SUCLG2: variants seen among roughly 807,000 people sequenced by gnomAD.
The protein encoded by SUCLG2 is succinate--CoA ligase [GDP-forming] subunit beta, mitochondrial.
In SUCLG2, 42 loss-of-function variants were observed where a neutral mutation model predicts 47.9. That is an observed-to-expected ratio of 0.88 (90% CI 0.69 to 1.14). The LOEUF is 1.14. Among genes scored for constraint, SUCLG2 ranks in the 50% most tolerant of loss-of-function variants. SUCLG2 has a pLI of 0.00. For synonymous variants in SUCLG2, 195 were observed against 197.3 expected (o/e 0.99, Z 0.10); for missense variants, 571 against 525.9 (o/e 1.09, Z -0.84).
At chr3:67,396,102 A>G (rs1186314444) in intron 10 of SUCLG2, among the ~76,000 whole-genome samples, 2 of 152,166 alleles carry the variant, frequency 1.3e-5, no homozygotes, top group African/African-American at 4.8e-5. Context: ...TAACATCACA[A>G]TTAAAAGAAC....
intron 1 of SUCLG2, among the ~76,000 whole-genome samples, chr3:67,629,867 C>A (rs1232640437): frequency 6.6e-6 from 1 of 152,112 alleles, no homozygotes; most frequent in Non-Finnish European, 1.5e-5. Flanking sequence ...TGCCAGGAAC[C>A]AGGAACCATG....
At chr3:67,616,628 T>C (rs747396630) in intron 1 of SUCLG2, among the ~76,000 whole-genome samples, 5 of 152,190 alleles carry the variant, frequency 3.3e-5, no homozygotes, top group South Asian at 4.1e-4. Context: ...AAAAGCAACA[T>C]TGAGAAAAAG....
chr3:67,609,621 A>G (rs1559594710), intron 1 of SUCLG2, 25 bp from the exon 2 acceptor site: 3 of 1,607,518 alleles, frequency 1.9e-6, no homozygotes, highest in East Asian at 4.5e-5. Flanking sequence ...GGAGAGAGGT[A>G]AGAACATTCA....
At chr3:67,440,515 A>T (rs55652711) in intron 9 of SUCLG2, among the ~76,000 whole-genome samples, 8,752 of 152,130 alleles carry the variant, frequency 0.058, 374 homozygotes, top group East Asian at 0.22. Context: ...GAATCTACAA[A>T]GAACTTAAAT....
At chr3:67,368,312 A>C (rs1701902066) in intron 10 of SUCLG2, among the ~76,000 whole-genome samples, 1 of 152,214 alleles carries the variant, frequency 6.6e-6, no homozygotes, top group Non-Finnish European at 1.5e-5. Context: ...TAAAGTATCA[A>C]CTTGCTGATA....
At chr3:67,423,052 T>A (rs947921741) in intron 9 of SUCLG2, among the ~76,000 whole-genome samples, 1 of 152,146 alleles carries the variant, frequency 6.6e-6, no homozygotes, top group African/African-American at 2.4e-5. Context: ...GGTTAATAGG[T>A]GCAGTGATGT....
chr3:67,377,260 A>C (rs1215345939), intron 10 of SUCLG2, among the ~76,000 whole-genome samples: 2 of 152,256 alleles, frequency 1.3e-5, no homozygotes, highest in Non-Finnish European at 2.9e-5. Flanking sequence ...GCATGTTCTA[A>C]AGATATGCTA....
chr3:67,530,068 T>G (rs529899322), intron 2 of SUCLG2, among the ~76,000 whole-genome samples: 2 of 152,182 alleles, frequency 1.3e-5, no homozygotes, highest in South Asian at 2.1e-4. Context: ...ACAGCTGATA[T>G]CCTCTGTTTG....
At chr3:67,584,729 G>T (rs1470604169) in intron 2 of SUCLG2, among the ~76,000 whole-genome samples, 1 of 152,138 alleles carries the variant, frequency 6.6e-6, no homozygotes, top group Non-Finnish European at 1.5e-5. Flanking sequence ...GGCTGGGGAG[G>T]CCTCAGGAAA....
chr3:67,511,699 T>C (rs1008443872), intron 6 of SUCLG2, among the ~76,000 whole-genome samples: 2 of 152,240 alleles, frequency 1.3e-5, no homozygotes, highest in African/African-American at 4.8e-5. Flanking sequence ...CATATAGTTT[T>C]AATTTGAATT....
chr3:67,390,217 CTTGT>C (rs1352528096), intron 10 of SUCLG2, among the ~76,000 whole-genome samples: 1 of 152,190 alleles, frequency 6.6e-6, no homozygotes, highest in East Asian at 1.9e-4. Flanking sequence ...AAGTGGCCTT[CTTGT>C]TTGTTTGGTG....
intron 2 of SUCLG2, among the ~76,000 whole-genome samples, chr3:67,575,097 G>A (rs186684071): frequency 1.3e-5 from 2 of 152,304 alleles, no homozygotes; most frequent in East Asian, 3.9e-4. Flanking sequence ...TTCATGCATT[G>A]ATAAGGGGAC....
In SUCLG2 at chr3:67,508,888, T is replaced by C; in HGVS notation, c.676A>G (p.Thr226Ala). Residue 226 changes from threonine to alanine, a missense_variant, in exon 7 of 11, where the codon ACG becomes GCG. By Grantham distance (58) the Thr-to-Ala change is moderately conservative (BLOSUM62 0). Coordinates refer to ENST00000307227, the MANE Select transcript of SUCLG2 (RefSeq NM_003848.4). ...TTCAGGAAGAGATTATACAGCTTCG[T>C]AATTTGATCTGCAGCCTAAATGTGA... ...PLKSQAADQI[T>A]KLYNLFLKID... 6.2e-7 allele frequency: 1 copy of C among 1,610,736 alleles called. No homozygotes were observed. The highest frequency in any genetic ancestry group is 1.7e-5 in the Admixed American group (1 of 59,734).
chr3:67,391,604 C>A (rs981304136), intron 10 of SUCLG2, among the ~76,000 whole-genome samples: 1 of 152,150 alleles, frequency 6.6e-6, no homozygotes, highest in African/African-American at 2.4e-5. Flanking sequence ...AAAAGGCAGC[C>A]TCGGTAGATT....
At chr3:67,379,178 C>T (rs1702097901) in intron 10 of SUCLG2, among the ~76,000 whole-genome samples, 1 of 152,184 alleles carries the variant, frequency 6.6e-6, no homozygotes, top group African/African-American at 2.4e-5. Context: ...ACCTCCTGAC[C>T]TCAAGTGATC....
intron 9 of SUCLG2, among the ~76,000 whole-genome samples, chr3:67,402,088 T>C (rs1575672533): frequency 6.6e-6 from 1 of 152,208 alleles, no homozygotes; most frequent in Non-Finnish European, 1.5e-5. Flanking sequence ...GTCTACTGAT[T>C]TGTTCATTGA....
chr3:67,528,287 T>C, intron 3 of SUCLG2, 65 bp from the exon 4 acceptor site: 1 of 1,435,242 alleles, frequency 7.0e-7, no homozygotes, highest in South Asian at 1.2e-5. Flanking sequence ...TGAGAGTCCT[T>C]ACACAGAGCC....
intron 2 of SUCLG2, among the ~76,000 whole-genome samples, chr3:67,599,348 G>A (rs1031055715): frequency 1.3e-5 from 2 of 152,188 alleles, no homozygotes; most frequent in South Asian, 4.1e-4. Context: ...GGCATAAAGA[G>A]AGGACAATGA....
At chr3:67,579,820 TAAA>T (rs1372048531) in intron 2 of SUCLG2, among the ~76,000 whole-genome samples, 1 of 152,132 alleles carries the variant, frequency 6.6e-6, no homozygotes, top group Non-Finnish European at 1.5e-5. Flanking sequence ...TTAGTATGTT[TAAA>T]AAAATTAACT....
Sources: gnomAD v4.1 joint callset for allele counts (sites outside exome capture counted in the v4.1 genomes callset) on GRCh38, gnomAD v4.1.1 for gene constraint, MANE v1.5 for transcripts, NCBI Gene and HGNC (gene_info 2026-07-23, HGNC 2026-07-21) for gene names.